Variants in DOCK2 observed in about 807,000 individuals in gnomAD.
DOCK2 encodes dedicator of cytokinesis protein 2.
DOCK2 carries 87 observed loss-of-function variants against 248.9 expected under a neutral mutation model. The observed-to-expected ratio is 0.35, with a 90% CI of 0.29 to 0.42. DOCK2 has a LOEUF of 0.42. Ranked by LOEUF, DOCK2 falls within the 10% of genes least tolerant of loss-of-function variation. The pLI is 1.00. For missense variants in DOCK2, 1,747 were observed against 2,300.2 expected (o/e 0.76, Z 4.92); for synonymous variants, 805 against 821.6 (o/e 0.98, Z 0.35).
chr5:169,868,276 T>G (rs370318507), intron 27 of DOCK2, among the ~76,000 whole-genome samples: 14 of 152,378 alleles, frequency 9.2e-5, no homozygotes, highest in African/African-American at 3.4e-4. Flanking sequence ...TACTTCTTAT[T>G]TCTCTGAACT....
chr5:169,933,027 G>A (rs773369733), intron 27 of DOCK2, among the ~76,000 whole-genome samples: 10 of 152,126 alleles, frequency 6.6e-5, no homozygotes, highest in African/African-American at 1.7e-4. Context: ...TGGTTTCTCC[G>A]GCAGGTATTG....
At chr5:170,028,142 A>C (rs1755988329) in intron 34 of DOCK2, among the ~76,000 whole-genome samples, 194 bp downstream of exon 34, 1 of 152,176 alleles carries the variant, frequency 6.6e-6, no homozygotes, top group African/African-American at 2.4e-5. Flanking sequence ...TTTGGAACTG[A>C]TAGAATGGGC....
At position 169,759,786 on chromosome 5, in the gene DOCK2, ATGT is replaced by A. The variant is rs745817684; in HGVS notation, c.2447+15_2447+17del. 42 of 1,613,638 alleles carry A rather than the reference ATGT, an allele frequency of 2.6e-5. No individual in the cohort carries two copies. Among genetic ancestry groups the A allele is most frequent in the Non-Finnish European group, 3.4e-5 (40 of 1,179,758 alleles). On this transcript the variant is annotated intron_variant, in intron 24 of 51. Transcript: ENST00000520908. ...TGCGAAGTTACTCAGGTGAGAGCTC[ATGT>A]TGTACTTTCTTGGGCTCTGCTGGCA... is the stretch of plus-strand genomic sequence containing the variant.
chr5:170,040,995 C>A, intron 36 of DOCK2, 60 bp from the exon 37 acceptor site: 1 of 1,488,894 alleles, frequency 6.7e-7, no homozygotes, highest in Non-Finnish European at 9.4e-7. Flanking sequence ...CTGCTTGTCC[C>A]TGCCAGGTGT....
chr5:169,910,287 C>T lies in DOCK2; in HGVS notation c.2799+69435C>T, dbSNP rs576603796. ...ACAGGACATTGTTCCAAGCCGGTTA[C>T]CACCGCATGGAATATGTAAGGAAGA... On this transcript the variant is annotated intron_variant, in intron 27 of 51. Transcript: ENST00000520908. Among the ~76,000 whole-genome samples the T allele has an allele frequency of 1.2e-4, 19 of 152,286 alleles. No homozygotes were observed. In the South Asian group the frequency reaches 3.9e-3, roughly 32 times the overall value.
rs549477566 is a variant in DOCK2 at position 170,077,377 on chromosome 5, C to G, written c.4867-333C>G. 3.3e-5 allele frequency among the ~76,000 whole-genome samples: 5 copies of G among 152,328 alleles called. 1 individual carries two copies. The East Asian group carries it at 9.6e-4, about 29-fold the overall frequency. On this transcript the variant is annotated intron_variant, in intron 47 of 51. Coordinates refer to ENST00000520908, the MANE Select transcript of DOCK2 (RefSeq NM_004946.3). ...TAAAGCCCCAGCCCAGCCCTATAAT[C>G]ATAGAGCTGGTCTTTCTGGCCATCA...
rs1757824780 is a variant in DOCK2, at chr5:170,075,979, T to C, written c.4761T>C (p.His1587=). The part of the protein sequence containing the change: ...IPFLGAGIKI[H]EKRVSDNLRP... ...TCTTGGGAGCTGGGATTAAGATCCA[T>C]GAGAAAAGGGTGTCAGATAACTTGC... Residue 1587 remains histidine, a synonymous_variant, in exon 47 of 52, where the codon CAT becomes CAC. Transcript: ENST00000520908. 1.2e-6 allele frequency: 2 copies of C among 1,613,898 alleles called. No homozygotes were observed. The highest frequency in any genetic ancestry group is 1.7e-6 in the Non-Finnish European group (2 of 1,179,986).
At chr5:169,927,253 T>C (rs1302563095) in intron 27 of DOCK2, among the ~76,000 whole-genome samples, 2 of 151,898 alleles carry the variant, frequency 1.3e-5, no homozygotes, top group Non-Finnish European at 2.9e-5. Context: ...TTCGGAGAGG[T>C]AGAAGCAGCC....
At chr5:169,974,558 G>A (rs1180995141) in intron 27 of DOCK2, among the ~76,000 whole-genome samples, 2 of 152,170 alleles carry the variant, frequency 1.3e-5, no homozygotes, top group Admixed American at 6.5e-5. Flanking sequence ...ACCCACAGAA[G>A]GTTGACCTTG....
intron 8 of DOCK2, among the ~76,000 whole-genome samples, chr5:169,685,442 C>T (rs1285832550): frequency 6.6e-6 from 1 of 152,186 alleles, no homozygotes; most frequent in East Asian, 1.9e-4. Flanking sequence ...CTGTCTCCTC[C>T]ATTGGGGTTT....
At chr5:169,918,989 A>G (rs1373478784) in intron 27 of DOCK2, among the ~76,000 whole-genome samples, 2 of 152,254 alleles carry the variant, frequency 1.3e-5, no homozygotes, top group African/African-American at 4.8e-5. Context: ...AAAGACATTT[A>G]TAAACCAGTA....
intron 22 of DOCK2, among the ~76,000 whole-genome samples, chr5:169,735,261 C>T (rs1356416423): frequency 6.6e-6 from 1 of 152,146 alleles, no homozygotes. Context: ...CCTCTGGTCC[C>T]CTTTGACCTG....
intron 27 of DOCK2, among the ~76,000 whole-genome samples, chr5:169,951,054 C>T (rs924785257): frequency 2.0e-5 from 3 of 152,224 alleles, no homozygotes; most frequent in Non-Finnish European, 4.4e-5. Flanking sequence ...CATTCCCACA[C>T]CACAGTGATT....
intron 13 of DOCK2, 150 bp from the exon 14 acceptor site, chr5:169,702,153 G>T: frequency 2.1e-6 from 2 of 936,180 alleles, no homozygotes; most frequent in Admixed American, 3.0e-5. Context: ...TCCCTGATGA[G>T]GGAAAAATGC....
chr5:170,017,520 T>G (rs1755576014), intron 32 of DOCK2, among the ~76,000 whole-genome samples: 1 of 152,250 alleles, frequency 6.6e-6, no homozygotes, highest in Non-Finnish European at 1.5e-5. Context: ...GGCTCCCCTT[T>G]ATGGTTCATT....
chr5:169,666,635 C>T (rs1758750616), intron 2 of DOCK2, among the ~76,000 whole-genome samples: 1 of 152,138 alleles, frequency 6.6e-6, no homozygotes, highest in African/African-American at 2.4e-5. Flanking sequence ...GAACCAACAT[C>T]AGTGGTCAGA....
intron 1 of DOCK2, among the ~76,000 whole-genome samples, chr5:169,637,711 C>T (rs1561894855): frequency 6.6e-6 from 1 of 152,194 alleles, no homozygotes; most frequent in Non-Finnish European, 1.5e-5. Flanking sequence ...GGAGACTTGG[C>T]CTTGTAGAGG....
At chr5:169,765,480 C>G (rs1764727974) in intron 25 of DOCK2, among the ~76,000 whole-genome samples, 1 of 152,214 alleles carries the variant, frequency 6.6e-6, no homozygotes, top group African/African-American at 2.4e-5. Flanking sequence ...CACAGATATG[C>G]CCGGAGAAAG....
intron 10 of DOCK2, 38 bp from the exon 11 acceptor site, chr5:169,698,333 GGAA>G (rs1482270674): frequency 1.1e-5 from 17 of 1,601,780 alleles, no homozygotes; most frequent in Middle Eastern, 1.7e-4. Flanking sequence ...TATGGGAACA[GGAA>G]GAAGTTAAAC....
Sources: gnomAD v4.1 joint callset for allele counts (sites outside exome capture counted in the v4.1 genomes callset) on GRCh38, gnomAD v4.1.1 for gene constraint, MANE v1.5 for transcripts, NCBI Gene and HGNC (gene_info 2026-07-23, HGNC 2026-07-21) for gene names.